MMP10: variants seen among roughly 807,000 people sequenced by gnomAD.
The protein encoded by MMP10 is stromelysin-2.
A neutral mutation model predicts 49.1 loss-of-function variants in MMP10; 50 were observed. The observed-to-expected ratio is 1.02, with a 90% CI of 0.81 to 1.29. The LOEUF (loss-of-function observed/expected upper bound fraction) is 1.29, where lower values mean the gene tolerates loss of function less well. Among genes scored for constraint, MMP10 ranks in the 50% most tolerant of loss-of-function variants. MMP10 has a pLI of 0.00. For synonymous variants in MMP10, 229 were observed against 201.6 expected (o/e 1.14, Z -1.15); for missense variants, 613 against 563.8 (o/e 1.09, Z -0.88).
chr11:102,779,757 T>G lies in MMP10; in HGVS notation c.106-12A>C. ...TTTTCTAGGTATTGCTAATGGAAAA[T>G]AGAATTTTTAGGGCATTTTTGTGAT... is the stretch of plus-strand genomic sequence containing the variant. On this transcript the variant is annotated splice_polypyrimidine_tract_variant and intron_variant, in intron 1 of 9. Coordinates refer to ENST00000279441, the MANE Select transcript of MMP10 (RefSeq NM_002425.3). The G allele has an allele frequency of 6.3e-7, 1 of 1,594,590 alleles. No individual in the cohort carries two copies. Among genetic ancestry groups the G allele is most frequent in the Non-Finnish European group, 8.6e-7 (1 of 1,167,522 alleles).
chr11:102,775,378 A>C, intron 6 of MMP10, 57 bp from the exon 7 acceptor site: 2 of 1,473,810 alleles, frequency 1.4e-6, no homozygotes, highest in Non-Finnish European at 1.8e-6. Flanking sequence ...GTGAAAAAAA[A>C]ATTCTTTTTT....
rs1283228846 is a variant in MMP10 at position 102,776,282 on chromosome 11, G to A, written c.930C>T (p.Asp310=). ...TLRGEYLFFK[D]RYFWRRSHWN... The stretch of plus-strand genomic sequence containing the variant: ...AAAATATAATTTTCTGGTCTGACCT[G>A]TCTTTAAAGAACAGATATTCTCCCC... Residue 310 remains aspartate (D), a splice_region_variant and synonymous_variant, in exon 6 of 10, where the codon GAC becomes GAT. Coordinates refer to ENST00000279441, the MANE Select transcript of MMP10 (RefSeq NM_002425.3). The A allele has an allele frequency of 8.7e-6, 14 of 1,613,032 alleles. No individual in the cohort carries two copies. Among genetic ancestry groups the A allele is most frequent in the Non-Finnish European group, 1.1e-5 (13 of 1,179,472 alleles).
At position 102,779,663 on chromosome 11, in the gene MMP10, ATTTT is replaced by A; in HGVS notation, c.184_187del (p.Lys62SerfsTer12). On this transcript the variant is annotated frameshift_variant, in exon 2 of 10. Coordinates refer to ENST00000279441, the MANE Select transcript of MMP10 (RefSeq NM_002425.3). LOFTEE classifies it high-confidence loss of function. ...CCCAAGGAACTTCTGCATTCCTTGG[ATTTT>A]TTTAACAATGAGATTACTGTCCTTT... 1 of 1,613,950 alleles carries A rather than the reference ATTTT, an allele frequency of 6.2e-7. No homozygotes were observed. The highest frequency in any genetic ancestry group is 1.1e-5 in the South Asian group (1 of 91,080).
Position 102,779,337 on chromosome 11 carries a change from C to A in MMP10, c.372G>T (p.Leu124Phe), listed in dbSNP as rs761215072. ...TGGCAGAATCAACAGCATCTCTTGGCAAATCTGGTGTATAATTCACAATCC... is the reference window on the plus strand; with the variant it reads ...TGGCAGAATCAACAGCATCTCTTGGAAAATCTGGTGTATAATTCACAATCC... ...TYRIVNYTPDLPRDAVDSAIE... is the reference protein window; with the variant it reads ...TYRIVNYTPDFPRDAVDSAIE... The change falls in exon 3 of 10, where the codon TTG (leucine) becomes TTT (phenylalanine). Residue 124 changes from leucine (L) to phenylalanine (F), a missense_variant. By Grantham distance (22) the Leu-to-Phe change is conservative. Coordinates refer to ENST00000279441, the MANE Select transcript of MMP10 (RefSeq NM_002425.3). 1.2e-6 allele frequency: 2 copies of A among 1,614,026 alleles called. No homozygotes were observed. The highest frequency in any genetic ancestry group is 1.1e-5 in the South Asian group (1 of 91,066).
At chr11:102,779,088 T>C in intron 3 of MMP10, 125 bp downstream of exon 3, 1 of 1,393,762 alleles carries the variant, frequency 7.2e-7, no homozygotes, top group Non-Finnish European at 9.6e-7. Context: ...AATCTTGGAC[T>C]TCCCAGCCTC....
At chr11:102,777,238 G>A (rs971763739) in intron 4 of MMP10, among the ~76,000 whole-genome samples, 1 of 152,106 alleles carries the variant, frequency 6.6e-6, no homozygotes, top group Admixed American at 6.6e-5. Flanking sequence ...CCAGAAGACT[G>A]TGGTTATTTC....
chr11:102,780,576 A>G lies in MMP10; in HGVS notation c.16T>C (p.Phe6Leu), dbSNP rs1857816082. The G allele has an allele frequency of 6.2e-7, 1 of 1,613,730 alleles. No individual in the cohort carries two copies. The highest frequency in any genetic ancestry group is 1.7e-5 in the Admixed American group (1 of 59,906). Residue 6 changes from phenylalanine to leucine, a missense_variant, in exon 1 of 10, where the codon TTC becomes CTC. By Grantham distance (22) the Phe-to-Leu change is conservative. Transcript: ENST00000279441. ...ACTGGCAGACACAACAGCACAAGGAATGCAAGATGCATCATTCTCACTGCC... is the reference window on the plus strand; with the variant it reads ...ACTGGCAGACACAACAGCACAAGGAGTGCAAGATGCATCATTCTCACTGCC... MMHLA[F>L]LVLLCLPVCS...
At chr11:102,778,011 C>T (rs1857769859) in intron 4 of MMP10, among the ~76,000 whole-genome samples, 1 of 152,168 alleles carries the variant, frequency 6.6e-6, no homozygotes, top group South Asian at 2.1e-4. Flanking sequence ...ATTATTTCAA[C>T]AGTGTGTTTC....
Position 102,772,932 on chromosome 11 carries a change from G to A in MMP10, c.1141C>T (p.Pro381Ser), listed in dbSNP as rs1318723385. Residue 381 changes from proline (P) to serine (S), a missense_variant, in exon 8 of 10, where the codon CCT becomes TCT. Physicochemically the swap from Pro to Ser is moderately conservative, Grantham distance 74 (BLOSUM62 -1). Transcript: ENST00000279441. The surrounding 1 kb of genome is among the most constrained non-coding windows in gnomAD (Gnocchi z 4.4). ...GCATCAATTTTCCTTATGGTTGGAG[G>A]AAAACCCAGGGTATGGATGCCTCTT... ...YPRGIHTLGF[P>S]PTIRKIDAAV... is the part of the protein sequence containing the mutation. The A allele has an allele frequency of 6.2e-7, 1 of 1,613,698 alleles. No individual in the cohort carries two copies. Among genetic ancestry groups the A allele is most frequent in the East Asian group, 2.2e-5 (1 of 44,854 alleles).
intron 1 of MMP10, 34 bp from the exon 2 acceptor site, chr11:102,779,779 T>A (rs1380258424): frequency 6.3e-7 from 1 of 1,585,416 alleles, no homozygotes; most frequent in Non-Finnish European, 8.6e-7. Context: ...GGCATTTTTG[T>A]GATTTTCCAT....
At position 102,772,136 on chromosome 11, in the gene MMP10, A is replaced by G. The variant is rs749682428; in HGVS notation, c.1227-21T>C. On this transcript the variant is annotated intron_variant, in intron 8 of 9. Coordinates refer to ENST00000279441, the MANE Select transcript of MMP10 (RefSeq NM_002425.3). This position sits in a 1 kb window ranked among gnomAD's most constrained non-coding sequence, Gnocchi z 4.4. Reference sequence around the variant, plus strand: ...CAAATCTAAACCAAATGAAAGAAATACAGTTCAATGATGTGCAGTAGTCCC... The same window carrying G: ...CAAATCTAAACCAAATGAAAGAAATGCAGTTCAATGATGTGCAGTAGTCCC... The G allele has an allele frequency of 1.4e-6, 2 of 1,467,308 alleles. No individual in the cohort carries two copies. Among genetic ancestry groups the G allele is most frequent in the South Asian group, 1.1e-5 (1 of 87,864 alleles). 90.9% of individuals were successfully genotyped at this position (1,467,308 alleles called of 1,614,324 possible).
At chr11:102,773,037 C>G in intron 7 of MMP10, 31 bp from the exon 8 acceptor site, 1 of 1,561,994 alleles carries the variant, frequency 6.4e-7, no homozygotes, top group Middle Eastern at 1.7e-4. Flanking sequence ...AGACATTTTA[C>G]TTGAAGCCAT....
intron 3 of MMP10, 117 bp downstream of exon 3, chr11:102,779,096 C>T: frequency 6.9e-7 from 1 of 1,443,656 alleles, no homozygotes; most frequent in Non-Finnish European, 9.3e-7. Context: ...ACTTCCCAGC[C>T]TCCAGAATTG....
intron 7 of MMP10, among the ~76,000 whole-genome samples, chr11:102,774,535 A>G (rs1303370973): frequency 6.6e-6 from 1 of 152,112 alleles, no homozygotes; most frequent in East Asian, 1.9e-4. Context: ...CTTCAGCAAT[A>G]ATTCAAATTA....
rs1487870415 is a variant in MMP10 at position 102,776,786 on chromosome 11, A to G, written c.623-10T>C. ...AGGAATAAATTGGTGCCTGTATGAAAATCATAAATGTTCAGAATTCACCAG... is the reference window on the plus strand; with the variant it reads ...AGGAATAAATTGGTGCCTGTATGAAGATCATAAATGTTCAGAATTCACCAG... On this transcript the variant is annotated splice_polypyrimidine_tract_variant and intron_variant, in intron 4 of 9. Coordinates refer to ENST00000279441, the MANE Select transcript of MMP10 (RefSeq NM_002425.3). The G allele has an allele frequency of 6.2e-7, 1 of 1,613,740 alleles. No homozygotes were observed. The highest frequency in any genetic ancestry group is 1.3e-5 in the African/African-American group (1 of 74,904).
rs1166007103 is a variant in MMP10 at position 102,778,726 on chromosome 11, C to G, written c.520G>C (p.Asp174His). ...TGAGCCAAACTGTGTCCTGGGCCATCAAAAGAGTAAAAGTCTCCATGTTCT... is the reference window on the plus strand; with the variant it reads ...TGAGCCAAACTGTGTCCTGGGCCATGAAAAGAGTAAAAGTCTCCATGTTCT... The part of the protein sequence containing the change: ...VKEHGDFYSF[D>H]GPGHSLAHAY... Residue 174 changes from aspartate (D) to histidine (H), a missense_variant, in exon 4 of 10, where the codon GAT becomes CAT. Physicochemically the swap from Asp to His is moderately conservative, Grantham distance 81. Coordinates refer to ENST00000279441, the MANE Select transcript of MMP10 (RefSeq NM_002425.3). 1.2e-6 allele frequency: 2 copies of G among 1,613,664 alleles called. No homozygotes were observed. Among genetic ancestry groups the G allele is most frequent in the Admixed American group, 1.7e-5 (1 of 59,902 alleles).
intron 7 of MMP10, among the ~76,000 whole-genome samples, chr11:102,774,300 CAAT>C (rs1165809438): frequency 1.9e-4 from 29 of 151,932 alleles, no homozygotes; most frequent in African/African-American, 6.5e-4. Context: ...TAAGCTATAA[CAAT>C]AATAACAGGA....
Position 102,772,189 on chromosome 11 carries a change from T to A in MMP10, c.1227-74A>T. 1.1e-6 allele frequency: 1 copy of A among 934,818 alleles called. No individual in the cohort carries two copies. The highest frequency in any genetic ancestry group is 1.6e-6 in the Non-Finnish European group (1 of 614,730). 57.9% of individuals were successfully genotyped at this position (934,818 alleles called of 1,614,324 possible). A position where few individuals can be genotyped will look rare whatever the true frequency, so the allele number is the denominator to read the frequency against. On this transcript the variant is annotated intron_variant, in intron 8 of 9. Coordinates refer to ENST00000279441, the MANE Select transcript of MMP10 (RefSeq NM_002425.3). This position sits in a 1 kb window ranked among gnomAD's most constrained non-coding sequence, Gnocchi z 4.4. ...TACACACAATAGTATAATGTGATGT[T>A]AATTTTCCAGTGTGGAATCCTAGAC... is the stretch of plus-strand genomic sequence containing the variant.
At chr11:102,774,169 A>C (rs932975365) in intron 7 of MMP10, among the ~76,000 whole-genome samples, 8 of 152,246 alleles carry the variant, frequency 5.3e-5, no homozygotes, top group Non-Finnish European at 8.8e-5. Context: ...AAAATTGAAC[A>C]AAATGAAAAT....
Sources: gnomAD v4.1 joint callset for allele counts (sites outside exome capture counted in the v4.1 genomes callset) on GRCh38, gnomAD v4.1.1 for gene constraint, Gnocchi (gnomAD v3.1) non-coding constraint, MANE v1.5 for transcripts, NCBI Gene and HGNC (gene_info 2026-07-23, HGNC 2026-07-21) for gene names.